The following ATP8B1 variants were observed in gnomAD, a reference collection of about 807,000 sequenced individuals.
The protein encoded by ATP8B1 is phospholipid-transporting ATPase IC.
In ATP8B1, 80 loss-of-function variants were observed where a neutral mutation model predicts 149.9. That is an observed-to-expected ratio of 0.53 (90% CI 0.45 to 0.64). The LOEUF (loss-of-function observed/expected upper bound fraction) is 0.64, where lower values mean the gene tolerates loss of function less well. ATP8B1 is among the 30% of genes least tolerant of loss of function. The pLI, the probability that ATP8B1 is intolerant of heterozygous loss-of-function variation, is 0.00. For synonymous variants in ATP8B1, 536 were observed against 562.8 expected (o/e 0.95, Z 0.67); for missense variants, 1,247 against 1,552.6 (o/e 0.80, Z 3.31).
intron 3 of ATP8B1, among the ~76,000 whole-genome samples, chr18:57,705,439 GA>G (rs1913342582): frequency 6.6e-6 from 1 of 152,180 alleles, no homozygotes; most frequent in African/African-American, 2.4e-5. Flanking sequence ...ATCTTATTTG[GA>G]AATAGGATCT....
In ATP8B1 at chr18:57,688,449, A is replaced by G. The variant is rs1912369275; in HGVS notation, c.1279T>C (p.Tyr427His). The stretch of plus-strand genomic sequence containing the variant: ...TTTGCGGGTGTGTCCTTCTCAGCAT[A>G]GTACATTTGCAGGTCCCAGTTGATG... ...HFINWDLQMY[Y>H]AEKDTPAKAR... is the part of the protein sequence containing the mutation. The change falls in exon 13 of 28, where the codon TAT becomes CAT. Residue 427 changes from tyrosine to histidine, a missense_variant. Tyr to His is a moderately conservative substitution (Grantham distance 83). Around this residue, in one of 3 missense-constraint regions of ATP8B1, gnomAD observed 853 missense variants for 1,035.7 expected, o/e 0.82. Transcript: ENST00000648908. The G allele has an allele frequency of 6.2e-7, 1 of 1,614,066 alleles. No homozygotes were observed. Among genetic ancestry groups the G allele is most frequent in the Non-Finnish European group, 8.5e-7 (1 of 1,180,052 alleles).
chr18:57,775,301 T>TG (rs1443384280), intron 1 of ATP8B1, among the ~76,000 whole-genome samples: 6 of 149,656 alleles, frequency 4.0e-5, no homozygotes, highest in African/African-American at 9.9e-5. Context: ...GGGTGACAGA[T>TG]GGAGACCCTG....
At chr18:57,700,990 G>A in intron 6 of ATP8B1, 49 bp downstream of exon 6, 1 of 1,512,058 alleles carries the variant, frequency 6.6e-7, no homozygotes, top group Non-Finnish European at 9.2e-7. Flanking sequence ...TTTCTAGGCA[G>A]AGTTATGCAT....
chr18:57,681,305 T>C (rs1054077767), intron 15 of ATP8B1, among the ~76,000 whole-genome samples: 3 of 152,096 alleles, frequency 2.0e-5, no homozygotes, highest in Admixed American at 2.0e-4. Flanking sequence ...CACAGAGAAC[T>C]GAATCCTGCT....
chr18:57,671,366 G>C (rs1282732606), intron 17 of ATP8B1, 102 bp downstream of exon 17: 2 of 1,028,778 alleles, frequency 1.9e-6, no homozygotes, highest in East Asian at 2.5e-5. Context: ...GCAAAGCAAA[G>C]GGAGGGTCAG....
At chr18:57,770,143 A>C (rs565797836) in intron 1 of ATP8B1, among the ~76,000 whole-genome samples, 52 of 147,800 alleles carry the variant, frequency 3.5e-4, no homozygotes, top group Non-Finnish European at 6.9e-4. Flanking sequence ...ATCTCAGCTC[A>C]CTGCAACCTC....
intron 22 of ATP8B1, among the ~76,000 whole-genome samples, chr18:57,660,796 C>T (rs574052520): frequency 1.3e-5 from 2 of 152,204 alleles, no homozygotes; most frequent in South Asian, 2.1e-4. Context: ...GGATTATAGG[C>T]GTGAGCCACT....
chr18:57,682,091 G>A (rs969158174), intron 15 of ATP8B1, among the ~76,000 whole-genome samples: 2 of 150,452 alleles, frequency 1.3e-5, no homozygotes, highest in Admixed American at 6.6e-5. Context: ...TGCAACCTCT[G>A]CCTGCCAGGT....
intron 22 of ATP8B1, chr18:57,659,869 G>A (rs907498051): frequency 6.6e-5 from 10 of 152,178 alleles, no homozygotes; most frequent in Admixed American, 2.0e-4. Flanking sequence ...GAAAAGTCTA[G>A]TTATATATAA....
At position 57,654,915 on chromosome 18, in the gene ATP8B1, G is replaced by A. The variant is rs183268811; in HGVS notation, c.2931+279C>T. ...TCGGCCAGACTGATCTCAAACTCCC[G>A]ACTTCAGGCGATCCACCTGCCTCAG... is the stretch of plus-strand genomic sequence containing the variant. On this transcript the variant is annotated intron_variant, in intron 23 of 27. Coordinates refer to ENST00000648908, the MANE Select transcript of ATP8B1 (RefSeq NM_001374385.1). 2.3e-3 allele frequency among the ~76,000 whole-genome samples: 349 copies of A among 150,534 alleles called. 1 individual carries two copies. Among genetic ancestry groups the A allele is most frequent in the Non-Finnish European group, 3.7e-3 (248 of 67,646 alleles).
intron 2 of ATP8B1, among the ~76,000 whole-genome samples, chr18:57,716,276 G>T (rs1047730224): frequency 9.9e-5 from 15 of 152,120 alleles, no homozygotes; most frequent in Non-Finnish European, 1.6e-4. Context: ...AGAAGGGAAG[G>T]GAGGAAAGAA....
rs537738217 is a variant in ATP8B1 at position 57,779,248 on chromosome 18, G to A, written c.-26+23750C>T. On this transcript the variant is annotated intron_variant, in intron 1 of 27. Transcript: ENST00000648908. Reference sequence around the variant, plus strand: ...GAGGATTGCTTGAGCCTGGGAGGTCGAGGCTACAGTGAGCTGTTACTGCAC... The same window carrying A: ...GAGGATTGCTTGAGCCTGGGAGGTCAAGGCTACAGTGAGCTGTTACTGCAC... Among the ~76,000 whole-genome samples, 9 of 152,132 alleles carry A rather than the reference G, an allele frequency of 5.9e-5. No homozygotes were observed. In the South Asian group the frequency reaches 1.5e-3, roughly 25 times the overall value.
At chr18:57,652,396 G>A (rs1186550875) in intron 25 of ATP8B1, 88 bp downstream of exon 25, 5 of 1,556,736 alleles carry the variant, frequency 3.2e-6, no homozygotes, top group Non-Finnish European at 4.4e-6. Context: ...GGTGCAGTGG[G>A]AGTCAGGTGG....
At chr18:57,780,999 C>G (rs1568068905) in intron 1 of ATP8B1, among the ~76,000 whole-genome samples, 1 of 152,222 alleles carries the variant, frequency 6.6e-6, no homozygotes, top group East Asian at 1.9e-4. Flanking sequence ...GCTGCTCAAA[C>G]AGAGCTGTGT....
At chr18:57,652,344 T>C (rs1348890867) in intron 25 of ATP8B1, 140 bp downstream of exon 25, 1 of 1,462,868 alleles carries the variant, frequency 6.8e-7, no homozygotes, top group Admixed American at 1.8e-5. Context: ...ATGTGCTTGG[T>C]ATAAGAGATG....
At chr18:57,756,995 TC>T (rs2080091588) in intron 1 of ATP8B1, among the ~76,000 whole-genome samples, 2 of 147,708 alleles carry the variant, frequency 1.4e-5, no homozygotes, top group South Asian at 4.7e-4. Context: ...TGGATGATTC[TC>T]CCCTGATCCA....
chr18:57,672,906 ATATATATATATATATATATATAT>A lies in ATP8B1; in HGVS notation c.1820-1349_1820-1327del, dbSNP rs1568189217. ...AAAAAGTATATATATATATATATATATATATATATATATATATATATATATAACATGTATATACACATATATAC... is the reference window on the plus strand; with the variant it reads ...AAAAAGTATATATATATATATATATAATAACATGTATATACACATATATAC... On this transcript the variant is annotated intron_variant, in intron 16 of 27. Coordinates refer to ENST00000648908, the MANE Select transcript of ATP8B1 (RefSeq NM_001374385.1). 2.6e-3 allele frequency among the ~76,000 whole-genome samples: 190 copies of A among 73,654 alleles called. 19 individuals carry two copies. In the East Asian group the frequency reaches 0.069, roughly 27 times the overall value. The allele number at this position is 73,654 out of a possible 152,430, so 48.3% of individuals were successfully genotyped here. A position where few individuals can be genotyped will look rare whatever the true frequency, so the allele number is the denominator to read the frequency against.
intron 1 of ATP8B1, among the ~76,000 whole-genome samples, chr18:57,748,382 A>T (rs1453996082): frequency 6.6e-6 from 1 of 152,218 alleles, no homozygotes; most frequent in African/African-American, 2.4e-5. Flanking sequence ...AGAAACTAGG[A>T]GAGAATCCTG....
At chr18:57,752,741 AG>A (rs2080034945) in intron 1 of ATP8B1, among the ~76,000 whole-genome samples, 1 of 152,266 alleles carries the variant, frequency 6.6e-6, no homozygotes, top group African/African-American at 2.4e-5. Flanking sequence ...AGCTTGCAAA[AG>A]CTTTTCAGAT....
Sources: gnomAD v4.1 joint callset for allele counts (sites outside exome capture counted in the v4.1 genomes callset) on GRCh38, gnomAD v4.1.1 for gene constraint, gnomAD v4.1.1 regional missense constraint, MANE v1.5 for transcripts, NCBI Gene and HGNC (gene_info 2026-07-23, HGNC 2026-07-21) for gene names.